Variants in AVEN observed in about 807,000 individuals in gnomAD.
AVEN encodes apoptosis and caspase activation inhibitor.
Under a neutral mutation model 38.1 loss-of-function variants are expected in AVEN, and 41 were observed. The observed-to-expected ratio is 1.08, with a 90% CI of 0.84 to 1.40. The LOEUF (loss-of-function observed/expected upper bound fraction) is 1.40, where lower values mean the gene tolerates loss of function less well. AVEN is among the 40% of genes most tolerant of loss of function. AVEN has a pLI of 0.00. For missense variants in AVEN, 605 were observed against 438.8 expected (o/e 1.38, Z -3.38); for synonymous variants, 206 against 171.8 (o/e 1.20, Z -1.56).
At chr15:34,011,133 A>G (rs1432952186) in intron 1 of AVEN, among the ~76,000 whole-genome samples, 1 of 152,104 alleles carries the variant, frequency 6.6e-6, no homozygotes, top group East Asian at 1.9e-4. Flanking sequence ...TCAAGGCTGC[A>G]GTAAGCTATG....
intron 2 of AVEN, among the ~76,000 whole-genome samples, chr15:33,906,205 G>A (rs1361164167): frequency 2.6e-5 from 4 of 152,186 alleles, no homozygotes; most frequent in African/African-American, 7.2e-5. Context: ...TGGAGGGAGG[G>A]AGGGGTAGGG....
chr15:33,951,555 G>C (rs1217197559), intron 2 of AVEN, among the ~76,000 whole-genome samples: 4 of 135,776 alleles, frequency 2.9e-5, no homozygotes, highest in Non-Finnish European at 6.3e-5. Context: ...AGAACTTAAA[G>C]TATAATAAAA....
intron 5 of AVEN, among the ~76,000 whole-genome samples, chr15:34,052,278 G>A (rs763907718): frequency 7.2e-5 from 11 of 152,004 alleles, no homozygotes; most frequent in Non-Finnish European, 1.0e-4. Context: ...TGCAGAAAAG[G>A]CTTTGAAAAA....
intron 2 of AVEN, among the ~76,000 whole-genome samples, chr15:33,918,691 G>A (rs977956822): frequency 2.0e-5 from 3 of 151,772 alleles, no homozygotes; most frequent in Admixed American, 1.3e-4. Context: ...CTGACTTCAG[G>A]TGATCTGCCC....
chr15:33,889,699 A>G (rs555935537), intron 2 of AVEN, among the ~76,000 whole-genome samples: 1 of 152,352 alleles, frequency 6.6e-6, no homozygotes, highest in African/African-American at 2.4e-5. Flanking sequence ...AAATGGGCAA[A>G]TGACATACAG....
chr15:33,962,202 A>T (rs1220147889), intron 2 of AVEN, among the ~76,000 whole-genome samples: 1 of 152,180 alleles, frequency 6.6e-6, no homozygotes, highest in Non-Finnish European at 1.5e-5. Context: ...GGACCTATTT[A>T]AAAAAATAAC....
At position 34,039,046 on chromosome 15, in the gene AVEN, TCTGGCCGCCG is replaced by T. The variant is rs1288939742; in HGVS notation, c.-10_-1del. ...CCCCGAGCTCCTCGCTCCGCCTGCA[TCTGGCCGCCG>T]CTGGCGGTGCTGAGCGCGCGGGAGC... is the stretch of plus-strand genomic sequence containing the variant. On this transcript the variant is annotated 5_prime_UTR_variant, in exon 1 of 6. Coordinates refer to ENST00000306730, the MANE Select transcript of AVEN (RefSeq NM_020371.3). The T allele has an allele frequency of 9.1e-7, 1 of 1,103,810 alleles. No homozygotes were observed. The highest frequency in any genetic ancestry group is 1.1e-6 in the Non-Finnish European group (1 of 908,172). The allele number at this position is 1,103,810 out of a possible 1,614,324, so 68.4% of individuals were successfully genotyped here.
At chr15:33,982,573 T>C (rs1221577046) in intron 2 of AVEN, among the ~76,000 whole-genome samples, 1 of 152,218 alleles carries the variant, frequency 6.6e-6, no homozygotes, top group Non-Finnish European at 1.5e-5. Context: ...ATCTTGATCC[T>C]TTTTTAAGAT....
At chr15:33,890,919 G>A (rs1425275747) in intron 2 of AVEN, among the ~76,000 whole-genome samples, 2 of 152,106 alleles carry the variant, frequency 1.3e-5, no homozygotes, top group Non-Finnish European at 2.9e-5. Flanking sequence ...GCCAGCCTGG[G>A]CAACATAGTG....
rs151141822 is a variant in AVEN, at chr15:33,873,151, G to C, written c.517-2121C>G. ...GAGTCTCTCTGTTGCCCAGGCTGGA[G>C]TGCAATGGCACGATCTCGGCTCACT... On this transcript the variant is annotated intron_variant, in intron 3 of 5. Transcript: ENST00000306730. Among the ~76,000 whole-genome samples the C allele has an allele frequency of 5.7e-3, 776 of 135,876 alleles. 7 individuals carry two copies. The highest frequency in any genetic ancestry group is 0.021 in the African/African-American group (740 of 35,448). The allele number at this position is 135,876 out of a possible 152,430, so 89.1% of individuals were successfully genotyped here.
chr15:34,071,659 T>C (rs1208164773), intron 1 of AVEN, among the ~76,000 whole-genome samples: 1 of 152,192 alleles, frequency 6.6e-6, no homozygotes, highest in African/African-American at 2.4e-5. Context: ...ATAAAGCTAT[T>C]GATCATGATG....
At chr15:34,041,045 T>A (rs1899454499), upstream of AVEN, among the ~76,000 whole-genome samples, 1 of 151,986 alleles carries the variant, frequency 6.6e-6, no homozygotes, top group Admixed American at 6.6e-5. Flanking sequence ...ATCCACACAT[T>A]AATCTCAAAC....
chr15:33,912,307 T>C (rs1367298720), intron 2 of AVEN, among the ~76,000 whole-genome samples: 1 of 152,214 alleles, frequency 6.6e-6, no homozygotes, highest in Non-Finnish European at 1.5e-5. Flanking sequence ...CAGACCACAG[T>C]TGGAAGGCAT....
intron 1 of AVEN, 138 bp downstream of exon 1, chr15:34,038,642 C>T (rs1899279717): frequency 1.4e-5 from 11 of 769,210 alleles, no homozygotes; most frequent in Non-Finnish European, 1.6e-5. Context: ...CCACCATCCG[C>T]CCGTCCCGCG....
downstream of AVEN, chr15:33,864,963 C>T (rs1460143007): frequency 1.8e-6 from 1 of 557,872 alleles, no homozygotes; most frequent in Non-Finnish European, 3.2e-6. Context: ...TGGCTTCTTG[C>T]TTCCCAAACA....
chr15:34,029,143 T>A (rs1192476380), intron 1 of AVEN, among the ~76,000 whole-genome samples: 2 of 152,042 alleles, frequency 1.3e-5, no homozygotes, highest in South Asian at 2.1e-4. Flanking sequence ...CCCCTCTCCA[T>A]CCAGGGACAG....
At chr15:33,932,834 CAAACAAATAAAT>C (rs1238022232) in intron 2 of AVEN, among the ~76,000 whole-genome samples, 4 of 139,876 alleles carry the variant, frequency 2.9e-5, no homozygotes, top group African/African-American at 1.1e-4. Flanking sequence ...ACAAAATAAA[CAAACAAATAAAT>C]AAATAAATAA....
chr15:34,047,827 C>A (rs540793920), intron 5 of AVEN, among the ~76,000 whole-genome samples: 13 of 152,204 alleles, frequency 8.5e-5, no homozygotes, highest in African/African-American at 2.9e-4. Flanking sequence ...CGGCTTACTG[C>A]AACCTCTGCC....
intron 2 of AVEN, among the ~76,000 whole-genome samples, chr15:33,902,626 T>A (rs542351702): frequency 6.6e-6 from 1 of 152,318 alleles, no homozygotes; most frequent in South Asian, 2.1e-4. Flanking sequence ...TTTATCTCTA[T>A]CTGGAGATGA....
Sources: gnomAD v4.1 joint callset for allele counts (sites outside exome capture counted in the v4.1 genomes callset) on GRCh38, gnomAD v4.1.1 for gene constraint, MANE v1.5 for transcripts, NCBI Gene and HGNC (gene_info 2026-07-23, HGNC 2026-07-21) for gene names.